The following GABRG1 variants were observed in gnomAD, a reference collection of about 807,000 sequenced individuals.
GABRG1 encodes the protein gamma-aminobutyric acid receptor subunit gamma-1.
Under a neutral mutation model 49.8 loss-of-function variants are expected in GABRG1, and 49 were observed. The observed-to-expected ratio is 0.98, with a 90% confidence interval of 0.78 to 1.25. The LOEUF is 1.25. GABRG1 is among the 50% of genes most tolerant of loss of function. The probability of loss-of-function intolerance (pLI) is 0.00; values close to 1 mark genes in which losing one functional copy is unlikely to be tolerated. For synonymous variants in GABRG1, 232 were observed against 185.1 expected (o/e 1.25, Z -2.06); for missense variants, 552 against 552.3 (o/e 1.00, Z 0.01).
In GABRG1 at chr4:46,039,175, T is replaced by G. The variant is rs1717658212; in HGVS notation, c.*1813A>C. 1 of 151,684 alleles carries G rather than the reference T, an allele frequency of 6.6e-6. No homozygotes were observed. The highest frequency in any genetic ancestry group is 1.5e-5 in the Non-Finnish European group (1 of 67,720). The allele number at this position is 151,684 out of a possible 1,614,324, so 9.4% of individuals were successfully genotyped here. A position where few individuals can be genotyped will look rare whatever the true frequency, so the allele number is the denominator to read the frequency against. ...CAAAACATCCATCAGTACTCAATGT[T>G]ATTAAAATGAATGTATGAATAATCT... On this transcript the variant is annotated 3_prime_UTR_variant, in exon 9 of 9. Transcript: ENST00000295452.
intron 2 of GABRG1, among the ~76,000 whole-genome samples, chr4:46,091,751 G>A (rs997471155): frequency 6.6e-6 from 1 of 151,972 alleles, no homozygotes; most frequent in African/African-American, 2.4e-5. Context: ...AATTGAGACA[G>A]AAGAAAAATG....
chr4:46,051,351 C>A, intron 8 of GABRG1, 73 bp downstream of exon 8: 1 of 1,170,492 alleles, frequency 8.5e-7, no homozygotes, highest in South Asian at 1.5e-5. Flanking sequence ...TGTAAACAAA[C>A]ACATAAATAT....
At chr4:46,105,860 G>T (rs906988093) in intron 1 of GABRG1, among the ~76,000 whole-genome samples, 7 of 149,964 alleles carry the variant, frequency 4.7e-5, no homozygotes, top group African/African-American at 1.7e-4. Flanking sequence ...CAAGTTAGTC[G>T]GTGTATGCAC....
Position 46,039,288 on chromosome 4 carries a change from T to C in GABRG1, c.*1700A>G. ...GTGGATATTGGGCATTACCATTTGATTCATGCTTATTTTTTTCCAGAAGTT... is the reference window on the plus strand; with the variant it reads ...GTGGATATTGGGCATTACCATTTGACTCATGCTTATTTTTTTCCAGAAGTT... On this transcript the variant is annotated 3_prime_UTR_variant, in exon 9 of 9. Transcript: ENST00000295452. 1 of 151,440 alleles carries C rather than the reference T, an allele frequency of 6.6e-6. No homozygotes were observed. The highest frequency in any genetic ancestry group is 2.4e-5 in the African/African-American group (1 of 41,348). The allele number at this position is 151,440 out of a possible 1,614,324, so 9.4% of individuals were successfully genotyped here.
At chr4:46,092,360 T>C (rs1484743350) in intron 2 of GABRG1, among the ~76,000 whole-genome samples, 2 of 152,014 alleles carry the variant, frequency 1.3e-5, no homozygotes, top group African/African-American at 2.4e-5. Flanking sequence ...AGGTTTGAAA[T>C]TTCTTTGAAT....
At chr4:46,087,079 A>T (rs1029321637) in intron 2 of GABRG1, among the ~76,000 whole-genome samples, 9 of 150,868 alleles carry the variant, frequency 6.0e-5, no homozygotes, top group Non-Finnish European at 7.4e-5. Context: ...TGAGCGTATA[A>T]TTTTTTTTTC....
intron 2 of GABRG1, 93 bp downstream of exon 2, chr4:46,097,108 G>T (rs1720188710): frequency 1.8e-6 from 2 of 1,083,462 alleles, no homozygotes; most frequent in Admixed American, 2.9e-5. Flanking sequence ...ACATACATCA[G>T]ACACTCAAGG....
At position 46,071,570 on chromosome 4, in the gene GABRG1, A is replaced by G. The variant is rs1452086667; in HGVS notation, c.322-5986T>C. Among the ~76,000 whole-genome samples, 10 of 151,818 alleles carry G rather than the reference A, an allele frequency of 6.6e-5. No individual in the cohort carries two copies. In the South Asian group the frequency reaches 2.1e-3, roughly 31 times the overall value. On this transcript the variant is annotated intron_variant, in intron 3 of 8. Coordinates refer to ENST00000295452, the MANE Select transcript of GABRG1 (RefSeq NM_173536.4). Reference sequence around the variant, plus strand: ...CTTCAGTAGGTATTCCAGACGACGTATTGTTATCAGATCAGATGACAGCTT... The same window carrying G: ...CTTCAGTAGGTATTCCAGACGACGTGTTGTTATCAGATCAGATGACAGCTT...
intron 1 of GABRG1, among the ~76,000 whole-genome samples, chr4:46,121,585 T>C (rs1390205067): frequency 1.4e-5 from 2 of 140,652 alleles, no homozygotes; most frequent in East Asian, 1.9e-4. Context: ...CAAAAGTGTT[T>C]CTGTGTCAAA....
intron 1 of GABRG1, among the ~76,000 whole-genome samples, chr4:46,111,530 G>A (rs1052991383): frequency 2.0e-5 from 3 of 151,262 alleles, no homozygotes; most frequent in Non-Finnish European, 3.0e-5. Flanking sequence ...AGCCCAAATA[G>A]CCAAAGCAAC....
rs139261764 is a variant in GABRG1, at chr4:46,070,922, A to G, written c.322-5338T>C. Among the ~76,000 whole-genome samples the G allele has an allele frequency of 8.9e-4, 135 of 152,180 alleles. 3 individuals carry two copies. In the East Asian group the frequency reaches 0.025, roughly 28 times the overall value. On this transcript the variant is annotated intron_variant, in intron 3 of 8. Transcript: ENST00000295452. Reference sequence around the variant, plus strand: ...TGATTTCAATGTGAATCACATCTAAATAATACCTTCACAGCAACATCTGAA... The same window carrying G: ...TGATTTCAATGTGAATCACATCTAAGTAATACCTTCACAGCAACATCTGAA...
At chr4:46,082,140 T>G (rs1403870616) in intron 3 of GABRG1, among the ~76,000 whole-genome samples, 1 of 151,796 alleles carries the variant, frequency 6.6e-6, no homozygotes, top group Non-Finnish European at 1.5e-5. Context: ...AACTGAACAT[T>G]ATGAAGTCTT....
chr4:46,077,434 G>T (rs1285649555), intron 3 of GABRG1, among the ~76,000 whole-genome samples: 1 of 151,800 alleles, frequency 6.6e-6, no homozygotes, highest in African/African-American at 2.4e-5. Flanking sequence ...TAACAATGGT[G>T]ACCACTAGAT....
chr4:46,114,961 A>T (rs1030907790), intron 1 of GABRG1, among the ~76,000 whole-genome samples: 1 of 150,848 alleles, frequency 6.6e-6, no homozygotes, highest in East Asian at 2.0e-4. Context: ...ATTGAGGAAC[A>T]TAAGGACAGA....
At chr4:46,065,993 A>G (rs937490947) in intron 3 of GABRG1, among the ~76,000 whole-genome samples, 13 of 152,144 alleles carry the variant, frequency 8.5e-5, no homozygotes, top group Non-Finnish European at 1.9e-4. Context: ...AAGTGCTGGG[A>G]TTACAGGCGT....
In GABRG1 at chr4:46,123,798, G is replaced by T. The variant is rs1721169633; in HGVS notation, c.104+12C>A. On this transcript the variant is annotated intron_variant, in intron 1 of 8. Coordinates refer to ENST00000295452, the MANE Select transcript of GABRG1 (RefSeq NM_173536.4). ...TAGCAAAGAATAGTTTTAAACCCCT[G>T]AATTTACTCACCAGTTTCCCAAATG... is the stretch of plus-strand genomic sequence containing the variant. The T allele has an allele frequency of 6.3e-7, 1 of 1,597,372 alleles. No homozygotes were observed. The highest frequency in any genetic ancestry group is 1.3e-5 in the African/African-American group (1 of 74,566).
At chr4:46,081,893 AC>A (rs1352224864) in intron 3 of GABRG1, among the ~76,000 whole-genome samples, 2 of 152,008 alleles carry the variant, frequency 1.3e-5, no homozygotes, top group African/African-American at 4.8e-5. Flanking sequence ...ATGTAAGGAC[AC>A]AGTGAGAAAG....
At chr4:46,093,716 A>G (rs879937713) in intron 2 of GABRG1, among the ~76,000 whole-genome samples, 40 of 152,016 alleles carry the variant, frequency 2.6e-4, no homozygotes, top group Non-Finnish European at 4.9e-4. Flanking sequence ...CCATAAATGT[A>G]TACATCCACT....
intron 1 of GABRG1, among the ~76,000 whole-genome samples, chr4:46,119,911 C>T (rs925942440): frequency 1.1e-4 from 17 of 151,638 alleles, no homozygotes; most frequent in East Asian, 1.9e-4. Context: ...ACCACTTTAG[C>T]GAGGCTATAT....
Sources: gnomAD v4.1 joint callset for allele counts (sites outside exome capture counted in the v4.1 genomes callset) on GRCh38, gnomAD v4.1.1 for gene constraint, MANE v1.5 for transcripts, NCBI Gene and HGNC (gene_info 2026-07-23, HGNC 2026-07-21) for gene names.